Variants in THRAP3 observed in about 807,000 individuals in gnomAD.
THRAP3 encodes thyroid hormone receptor associated protein 3.
THRAP3 carries 16 observed loss-of-function variants against 101.0 expected under a neutral mutation model. The ratio of observed to expected loss-of-function variants is 0.16; its 90% confidence interval spans 0.11 to 0.24. THRAP3 has a LOEUF of 0.24. Among genes scored for constraint, THRAP3 ranks in the 10% least tolerant of loss-of-function variants. The pLI is 1.00. For missense variants in THRAP3, 989 were observed against 1,202.7 expected (o/e 0.82, Z 2.63); for synonymous variants, 407 against 422.6 (o/e 0.96, Z 0.45).
Position 36,304,154 on chromosome 1 carries a change from C to G in THRAP3, c.*137C>G. 1 of 1,304,558 alleles carries G rather than the reference C, an allele frequency of 7.7e-7. No individual in the cohort carries two copies. Among genetic ancestry groups the G allele is most frequent in the Non-Finnish European group, 1.0e-6 (1 of 982,512 alleles). 80.8% of individuals were successfully genotyped at this position (1,304,558 alleles called of 1,614,324 possible). A position where few individuals can be genotyped will look rare whatever the true frequency, so the allele number is the denominator to read the frequency against. On this transcript the variant is annotated 3_prime_UTR_variant, in exon 12 of 12. Coordinates refer to ENST00000354618, the MANE Select transcript of THRAP3 (RefSeq NM_005119.4). ...CCCACCAGCCGCACAGATTGTACTA[C>G]CGCGAGAGGCATCCCTGGCGCTGTC...
rs201033258 is a variant in THRAP3 at position 36,275,947 on chromosome 1, A to AAACTG, written c.-31-6584_-31-6580dup. Among the ~76,000 whole-genome samples, 388 of 152,248 alleles carry AAACTG rather than the reference A, an allele frequency of 2.5e-3. 1 individual carries two copies. Among genetic ancestry groups the AAACTG allele is most frequent in the African/African-American group, 9.1e-3 (376 of 41,536 alleles). On this transcript the variant is annotated intron_variant, in intron 2 of 11. Coordinates refer to ENST00000354618, the MANE Select transcript of THRAP3 (RefSeq NM_005119.4). ...GGTGGGCGGATCACTTGAGCCCAGG[A>AAACTG]AACTGAGGCTGCAGTGAGTTGAGAT...
rs570775220 is a variant in THRAP3 at position 36,229,353 on chromosome 1, C to G, written c.-135+4848C>G. Among the ~76,000 whole-genome samples, 8 of 151,538 alleles carry G rather than the reference C, an allele frequency of 5.3e-5. No individual in the cohort carries two copies. The East Asian group carries it at 1.6e-3, about 29-fold the overall frequency. ...CCTCGTGATCTGCCCGCCTCAGCCT[C>G]CCAAAGTGCTGGGATTATAGCGGTG... On this transcript the variant is annotated intron_variant, in intron 1 of 11. Coordinates refer to ENST00000354618, the MANE Select transcript of THRAP3 (RefSeq NM_005119.4).
chr1:36,241,659 A>G (rs1027810865), intron 1 of THRAP3, among the ~76,000 whole-genome samples: 8 of 150,676 alleles, frequency 5.3e-5, no homozygotes, highest in Non-Finnish European at 1.0e-4. Flanking sequence ...GCTCACTGCA[A>G]TCTCCACCTC....
chr1:36,281,861 G>A (rs929311936), intron 2 of THRAP3, among the ~76,000 whole-genome samples: 1 of 152,050 alleles, frequency 6.6e-6, no homozygotes, highest in African/African-American at 2.4e-5. Context: ...ACCTGAGGTC[G>A]GGAGTTCGAG....
At position 36,270,571 on chromosome 1, in the gene THRAP3, G is replaced by GGTTTTTTTTTTTTTTTTT. The variant is rs1553121666; in HGVS notation, c.-32+11087_-32+11088insGTTTTTTTTTTTTTTTTT. On this transcript the variant is annotated intron_variant, in intron 2 of 11. Transcript: ENST00000354618. ...TAAAAATACAGTTCTATTTGTTTAG[G>GGTTTTTTTTTTTTTTTTT]TTTTTGTTTTTTTTTTTTTTTTTGA... 7.2e-3 allele frequency among the ~76,000 whole-genome samples: 228 copies of GGTTTTTTTTTTTTTTTTT among 31,840 alleles called. 16 individuals carry two copies. Among genetic ancestry groups the GGTTTTTTTTTTTTTTTTT allele is most frequent in the African/African-American group, 0.015 (211 of 14,150 alleles). 20.9% of individuals were successfully genotyped at this position (31,840 alleles called of 152,430 possible). A position where few individuals can be genotyped will look rare whatever the true frequency, so the allele number is the denominator to read the frequency against.
At chr1:36,295,545 TTTCC>T (rs55705007) in intron 8 of THRAP3, among the ~76,000 whole-genome samples, 72 of 145,520 alleles carry the variant, frequency 4.9e-4, no homozygotes, top group South Asian at 1.5e-3. Flanking sequence ...AGAGAAGTTT[TTTCC>T]TTCCTTCCTT....
Position 36,303,905 on chromosome 1 carries a change from G to C in THRAP3, c.2756G>C (p.Ser919Thr), listed in dbSNP as rs1382344758. Reference sequence around the variant, plus strand: ...TTCATGTTCCGGAAATCAAGTACCAGCCCCAAGTGGGCCCATGACAAGTTC... The same window carrying C: ...TTCATGTTCCGGAAATCAAGTACCACCCCCAAGTGGGCCCATGACAAGTTC... Reference protein sequence around the residue: ...GRFMFRKSSTSPKWAHDKFSG... With the variant: ...GRFMFRKSSTTPKWAHDKFSG... Residue 919 changes from serine to threonine, a missense_variant, in exon 12 of 12, where the codon AGC becomes ACC. By Grantham distance (58) the Ser-to-Thr change is moderately conservative (BLOSUM62 1). Transcript: ENST00000354618. 1 of 1,613,652 alleles carries C rather than the reference G, an allele frequency of 6.2e-7. No homozygotes were observed. The highest frequency in any genetic ancestry group is 1.3e-5 in the African/African-American group (1 of 74,902).
Position 36,300,955 on chromosome 1 carries a change from A to G in THRAP3, c.2373A>G (p.Lys791=). The stretch of plus-strand genomic sequence containing the variant: ...CCTCCCAGTCATCTCACTCCTACAA[A>G]GCAGAAGAGTACACTGAAGAGACAG... ...SSSSQSSHSY[K]AEEYTEETEE... The change falls in exon 10 of 12, where the codon AAA becomes AAG. Residue 791 remains lysine, a synonymous_variant. Coordinates refer to ENST00000354618, the MANE Select transcript of THRAP3 (RefSeq NM_005119.4). 6.2e-7 allele frequency: 1 copy of G among 1,614,096 alleles called. No individual in the cohort carries two copies. Among genetic ancestry groups the G allele is most frequent in the Non-Finnish European group, 8.5e-7 (1 of 1,180,014 alleles).
At chr1:36,276,217 T>TA (rs781047221) in intron 2 of THRAP3, among the ~76,000 whole-genome samples, 5,665 of 126,730 alleles carry the variant, frequency 0.045, 367 homozygotes, top group African/African-American at 0.15. Context: ...TTCAGCAGAG[T>TA]AAAAAAAAAA....
chr1:36,207,927 G>A, the THRAP3 span, among the ~76,000 whole-genome samples: 1 of 152,068 alleles, frequency 6.6e-6, no homozygotes, highest in Non-Finnish European at 1.5e-5. Context: ...TGACTAGCTG[G>A]GACTACAGGC....
intron 1 of THRAP3, among the ~76,000 whole-genome samples, chr1:36,243,901 G>A (rs1295771755): frequency 2.1e-5 from 3 of 144,284 alleles, no homozygotes; most frequent in Non-Finnish European, 1.5e-5. Context: ...CCTCCCAGAC[G>A]GGGCGGCTGG....
At chr1:36,235,249 G>T (rs1413001301) in intron 1 of THRAP3, among the ~76,000 whole-genome samples, 2 of 152,060 alleles carry the variant, frequency 1.3e-5, no homozygotes, top group Admixed American at 6.6e-5. Context: ...TCTTTTTTCT[G>T]TGAAGATTTT....
chr1:36,282,423 G>A (rs908113552), intron 2 of THRAP3, 110 bp from the exon 3 acceptor site: 3 of 750,820 alleles, frequency 4.0e-6, no homozygotes, highest in South Asian at 2.1e-5. Context: ...GTAGATATGG[G>A]GTCTTCTCAA....
chr1:36,216,517 A>AAT, the THRAP3 span, among the ~76,000 whole-genome samples: 1 of 147,238 alleles, frequency 6.8e-6, no homozygotes, highest in South Asian at 2.2e-4. Flanking sequence ...AAAAAAAAAA[A>AAT]AATGCCGGGT....
chr1:36,272,721 TC>T (rs1389835353), intron 2 of THRAP3, among the ~76,000 whole-genome samples: 2 of 152,168 alleles, frequency 1.3e-5, no homozygotes, highest in Non-Finnish European at 2.9e-5. Flanking sequence ...ATTTCCTACT[TC>T]TTCCCTTTAG....
At chr1:36,212,366 T>C in the THRAP3 span, among the ~76,000 whole-genome samples, 1 of 152,008 alleles carries the variant, frequency 6.6e-6, no homozygotes, top group Non-Finnish European at 1.5e-5. Flanking sequence ...CCTGCTCACC[T>C]TGAAGTGAGA....
intron 2 of THRAP3, among the ~76,000 whole-genome samples, chr1:36,263,741 G>A (rs1645477293): frequency 6.6e-6 from 1 of 152,142 alleles, no homozygotes. Flanking sequence ...AGATGATCCT[G>A]AGCTTAATAG....
intron 2 of THRAP3, among the ~76,000 whole-genome samples, chr1:36,280,809 G>A (rs551497589): frequency 3.8e-4 from 58 of 151,958 alleles, no homozygotes; most frequent in Non-Finnish European, 7.2e-4. Context: ...TAGACCAGGC[G>A]TTAACCTCTC....
In THRAP3 at chr1:36,284,726, G is replaced by A. The variant is rs1249085198; in HGVS notation, c.138-1642G>A. ...GAGTTTTGGATGCAGTATGCCCAGG[G>A]CCCTCACTAGTAATTGGTAACAGAA... On this transcript the variant is annotated intron_variant, in intron 3 of 11. Transcript: ENST00000354618. Among the ~76,000 whole-genome samples, 3 of 152,140 alleles carry A rather than the reference G, an allele frequency of 2.0e-5. No individual in the cohort carries two copies. In the East Asian group the frequency reaches 5.8e-4, roughly 29 times the overall value.
Sources: gnomAD v4.1 joint callset for allele counts (sites outside exome capture counted in the v4.1 genomes callset) on GRCh38, gnomAD v4.1.1 for gene constraint, MANE v1.5 for transcripts, NCBI Gene and HGNC (gene_info 2026-07-23, HGNC 2026-07-21) for gene names.